Variants in ZDHHC14 observed in about 807,000 individuals in gnomAD.
ZDHHC14 encodes zDHHC palmitoyltransferase 14, also known as palmitoyltransferase ZDHHC14.
In ZDHHC14, 16 loss-of-function variants were observed where a neutral mutation model predicts 47.7. The ratio of observed to expected loss-of-function variants is 0.34; its 90% CI spans 0.23 to 0.51. ZDHHC14 has a LOEUF of 0.51. ZDHHC14 is among the 20% of genes least tolerant of loss of function. The pLI is 0.97. For missense variants in ZDHHC14, 515 were observed against 662.5 expected (o/e 0.78, Z 2.44); for synonymous variants, 293 against 278.9 (o/e 1.05, Z -0.50).
At chr6:157,537,536 C>A (rs1314631936) in intron 1 of ZDHHC14, among the ~76,000 whole-genome samples, 1 of 152,168 alleles carries the variant, frequency 6.6e-6, no homozygotes, top group Non-Finnish European at 1.5e-5. Flanking sequence ...AAGATGTATT[C>A]TTATTTTTCC....
intron 5 of ZDHHC14, among the ~76,000 whole-genome samples, chr6:157,638,967 G>A (rs1350415975): frequency 6.6e-6 from 1 of 152,244 alleles, no homozygotes; most frequent in Admixed American, 6.5e-5. Context: ...TATCAGGAAG[G>A]GGCAGCCCAT....
chr6:157,649,437 G>C (rs1276608746), intron 7 of ZDHHC14, among the ~76,000 whole-genome samples: 2 of 152,240 alleles, frequency 1.3e-5, no homozygotes, highest in Admixed American at 1.3e-4. Flanking sequence ...ATGTGAGGGG[G>C]TGATGCCTAC....
chr6:157,457,196 C>T (rs943158641), intron 1 of ZDHHC14, among the ~76,000 whole-genome samples: 2 of 145,278 alleles, frequency 1.4e-5, no homozygotes, highest in South Asian at 2.2e-4. Flanking sequence ...AAAAAAAGAC[C>T]GAGTTGGGAT....
chr6:157,612,538 T>A (rs1037663695), intron 3 of ZDHHC14, among the ~76,000 whole-genome samples: 4 of 152,258 alleles, frequency 2.6e-5, no homozygotes, highest in Non-Finnish European at 5.9e-5. Flanking sequence ...AGCCTGCCAC[T>A]GCACACACTT....
At chr6:157,652,099 G>T (rs1406426805) in intron 7 of ZDHHC14, among the ~76,000 whole-genome samples, 1 of 152,212 alleles carries the variant, frequency 6.6e-6, no homozygotes, top group Non-Finnish European at 1.5e-5. Context: ...AGGAGGTCAG[G>T]CACTTTTCTT....
chr6:157,658,276 G>C (rs1182902019), intron 8 of ZDHHC14, among the ~76,000 whole-genome samples: 5 of 152,132 alleles, frequency 3.3e-5, no homozygotes, highest in East Asian at 1.9e-4. Flanking sequence ...TTGCCTCACT[G>C]GTCCTCAGTT....
At chr6:157,438,260 G>A (rs528592276) in intron 1 of ZDHHC14, among the ~76,000 whole-genome samples, 5 of 152,174 alleles carry the variant, frequency 3.3e-5, no homozygotes, top group Non-Finnish European at 7.3e-5. Context: ...AAGCATTTAA[G>A]GTAAGAATGC....
At chr6:157,648,328 C>T (rs746989069) in intron 7 of ZDHHC14, among the ~76,000 whole-genome samples, 13 of 152,120 alleles carry the variant, frequency 8.5e-5, no homozygotes, top group Non-Finnish European at 1.6e-4. Context: ...TGACTGTGTC[C>T]AGGGCAGACC....
chr6:157,553,739 T>C (rs1264097495), intron 2 of ZDHHC14, among the ~76,000 whole-genome samples: 1 of 152,144 alleles, frequency 6.6e-6, no homozygotes, highest in Non-Finnish European at 1.5e-5. Flanking sequence ...ATACATTAAC[T>C]GTTTATTTTG....
intron 2 of ZDHHC14, among the ~76,000 whole-genome samples, chr6:157,588,818 C>A (rs552131488): frequency 1.6e-4 from 25 of 152,136 alleles, no homozygotes; most frequent in African/African-American, 5.8e-4. Context: ...GTTCTCAAAC[C>A]TGAAAGTTTC....
intron 3 of ZDHHC14, among the ~76,000 whole-genome samples, chr6:157,615,022 G>A (rs542162469): frequency 5.3e-4 from 80 of 152,096 alleles, no homozygotes; most frequent in African/African-American, 1.5e-3. Flanking sequence ...ACCCACCTCC[G>A]CCTCCCAAAG....
intron 3 of ZDHHC14, among the ~76,000 whole-genome samples, chr6:157,615,305 C>G (rs1784922124): frequency 6.6e-6 from 1 of 152,178 alleles, no homozygotes; most frequent in African/African-American, 2.4e-5. Flanking sequence ...GACGTCTGTG[C>G]GGACCCAAGT....
rs62423214 is a variant in ZDHHC14 at position 157,599,170 on chromosome 6, T to C, written c.565+6024T>C. ...CATTTTAAACATGAGAAATAGTTAA[T>C]CTAAGCAGAAGAGGAATGAACCAGA... On this transcript the variant is annotated intron_variant, in intron 3 of 8. Coordinates refer to ENST00000359775, the MANE Select transcript of ZDHHC14 (RefSeq NM_024630.3). 9.5e-3 allele frequency among the ~76,000 whole-genome samples: 1,440 copies of C among 152,316 alleles called. 9 individuals are homozygous for C. The highest frequency in any genetic ancestry group is 0.015 in the Non-Finnish European group (987 of 68,030).
chr6:157,563,864 C>T (rs139350589), intron 2 of ZDHHC14, among the ~76,000 whole-genome samples: 1 of 152,176 alleles, frequency 6.6e-6, no homozygotes, highest in Non-Finnish European at 1.5e-5. Flanking sequence ...TGCATGGAAG[C>T]GAAACAGTGT....
chr6:157,491,303 G>T (rs1054215557), intron 1 of ZDHHC14, among the ~76,000 whole-genome samples: 5 of 152,196 alleles, frequency 3.3e-5, no homozygotes, highest in African/African-American at 1.2e-4. Flanking sequence ...GTGAGGCTTT[G>T]TCTTTTGCTG....
At chr6:157,638,718 C>T (rs1395292573) in intron 5 of ZDHHC14, among the ~76,000 whole-genome samples, 1 of 152,258 alleles carries the variant, frequency 6.6e-6, no homozygotes, top group South Asian at 2.1e-4. Flanking sequence ...CCAGCATCTG[C>T]TGCTGCCCAG....
intron 1 of ZDHHC14, among the ~76,000 whole-genome samples, chr6:157,433,276 G>A (rs1778375053): frequency 6.6e-6 from 1 of 152,090 alleles, no homozygotes; most frequent in African/African-American, 2.4e-5. Flanking sequence ...CTGATGATGT[G>A]GACACATGAT....
At chr6:157,666,318 C>G (rs1016596840) in intron 8 of ZDHHC14, among the ~76,000 whole-genome samples, 1 of 152,112 alleles carries the variant, frequency 6.6e-6, no homozygotes, top group African/African-American at 2.4e-5. Context: ...ATACCCCAAT[C>G]CAGTATCAAA....
At chr6:157,484,989 C>T (rs567759602) in intron 1 of ZDHHC14, among the ~76,000 whole-genome samples, 91 of 152,190 alleles carry the variant, frequency 6.0e-4, no homozygotes, top group African/African-American at 1.0e-3. Flanking sequence ...TCCAGCTACT[C>T]GGGAGGCTGA....
Sources: allele counts gnomAD v4.1 joint callset (sites outside exome capture counted in the v4.1 genomes callset), GRCh38; gene constraint gnomAD v4.1.1; transcripts MANE v1.5; gene names NCBI Gene and HGNC (gene_info 2026-07-23, HGNC 2026-07-21).